The following PPP4R4 variants were observed in gnomAD, a reference collection of about 807,000 sequenced individuals.
PPP4R4 encodes the protein protein phosphatase 4 regulatory subunit 4, also known as serine/threonine-protein phosphatase 4 regulatory subunit 4.
PPP4R4 carries 70 observed loss-of-function variants against 121.8 expected under a neutral mutation model. That is an observed-to-expected ratio of 0.57 (90% confidence interval 0.47 to 0.70). The LOEUF (loss-of-function observed/expected upper bound fraction) is 0.70, where lower values mean the gene tolerates loss of function less well. Among genes scored for constraint, PPP4R4 ranks in the 30% least tolerant of loss-of-function variants. The pLI is 0.00. For missense variants in PPP4R4, 875 were observed against 1,033.6 expected (o/e 0.85, Z 2.10); for synonymous variants, 348 against 355.7 (o/e 0.98, Z 0.24).
intron 20 of PPP4R4, 69 bp downstream of exon 20, chr14:94,265,016 A>G: frequency 8.1e-7 from 1 of 1,237,396 alleles, no homozygotes; most frequent in Admixed American, 2.4e-5. Flanking sequence ...ATTCTGAAAG[A>G]CCATGCTGAA....
At chr14:94,178,980 C>A (rs1473767515) in intron 2 of PPP4R4, among the ~76,000 whole-genome samples, 1 of 152,120 alleles carries the variant, frequency 6.6e-6, no homozygotes. Flanking sequence ...ACCCTGAAGG[C>A]TGGCATTCAG....
At chr14:94,224,287 A>AATTTAATT (rs1330802038) in intron 3 of PPP4R4, among the ~76,000 whole-genome samples, 1 of 152,202 alleles carries the variant, frequency 6.6e-6, no homozygotes, top group African/African-American at 2.4e-5. Flanking sequence ...ATAGTTTTAA[A>AATTTAATT]TGCTTTGAAA....
chr14:94,250,393 AT>A, intron 15 of PPP4R4, 116 bp downstream of exon 15: 1 of 647,856 alleles, frequency 1.5e-6, no homozygotes, highest in Non-Finnish European at 2.6e-6. Context: ...ATTGGGTTTT[AT>A]AAGATGATTT....
At chr14:94,184,364 T>C (rs1337933746) in intron 2 of PPP4R4, among the ~76,000 whole-genome samples, 3 of 152,076 alleles carry the variant, frequency 2.0e-5, no homozygotes, top group Non-Finnish European at 4.4e-5. Flanking sequence ...GCTCAAGTGT[T>C]CCTCCTGCCT....
chr14:94,229,113 A>G (rs1400971670), intron 3 of PPP4R4, among the ~76,000 whole-genome samples: 2 of 152,166 alleles, frequency 1.3e-5, no homozygotes, highest in African/African-American at 2.4e-5. Context: ...GAAAAGTGAC[A>G]TTATCTGACT....
chr14:94,241,735 TTA>T, intron 9 of PPP4R4, 51 bp from the exon 10 acceptor site: 6 of 1,382,798 alleles, frequency 4.3e-6, no homozygotes, highest in Non-Finnish European at 5.9e-6. Flanking sequence ...TTTTCCCTTT[TTA>T]AATTTTGTTT....
Position 94,253,007 on chromosome 14 carries a change from C to T in PPP4R4, c.1865+1111C>T, listed in dbSNP as rs149899714. Among the ~76,000 whole-genome samples the T allele has an allele frequency of 3.9e-5, 6 of 152,254 alleles. No homozygotes were observed. In the East Asian group the frequency reaches 1.2e-3, roughly 29 times the overall value. ...AAGTTCAACTTAAGACTTTTATGAG[C>T]ATTTTTTAATGGGAACAAATCTAGA... On this transcript the variant is annotated intron_variant, in intron 16 of 24. Transcript: ENST00000304338.
intron 3 of PPP4R4, among the ~76,000 whole-genome samples, chr14:94,217,500 T>C (rs1220234864): frequency 6.6e-6 from 1 of 152,174 alleles, no homozygotes; most frequent in Non-Finnish European, 1.5e-5. Context: ...CAAAAATTTC[T>C]GGGCACACAA....
At chr14:94,236,036 C>T in intron 7 of PPP4R4, among the ~76,000 whole-genome samples, 1 of 152,194 alleles carries the variant, frequency 6.6e-6, no homozygotes, top group South Asian at 2.1e-4. Flanking sequence ...TTGAATGTCA[C>T]ACAGGGTATG....
At chr14:94,209,584 G>A (rs563991497) in intron 3 of PPP4R4, among the ~76,000 whole-genome samples, 1 of 152,160 alleles carries the variant, frequency 6.6e-6, no homozygotes, top group South Asian at 2.1e-4. Context: ...TGATTCAAAA[G>A]TAAATCAAGC....
intron 3 of PPP4R4, among the ~76,000 whole-genome samples, chr14:94,211,536 T>C (rs10132066): frequency 6.6e-6 from 1 of 151,844 alleles, no homozygotes; most frequent in Non-Finnish European, 1.5e-5. Context: ...CAGTGGATGG[T>C]GTGGGGTGTG....
At position 94,246,497 on chromosome 14, in the gene PPP4R4, T is replaced by C. The variant is rs141994347; in HGVS notation, c.1569T>C (p.Tyr523=). 23 of 1,613,748 alleles carry C rather than the reference T, an allele frequency of 1.4e-5. No homozygotes were observed. The highest frequency in any genetic ancestry group is 1.9e-5 in the Non-Finnish European group (22 of 1,179,866). Residue 523 remains tyrosine, a synonymous_variant, in exon 14 of 25, where the codon TAT becomes TAC. Transcript: ENST00000304338. ...LPHVISSDQI[Y]YRFLQRMFTI... is the part of the protein sequence containing the mutation. ...ATGTCATATCAAGCGATCAGATTTA[T>C]TACCGTTTCTTACAAAGAATGTTCA...
chr14:94,207,316 T>A (rs1383827173), intron 2 of PPP4R4, among the ~76,000 whole-genome samples: 1 of 151,972 alleles, frequency 6.6e-6, no homozygotes, highest in Non-Finnish European at 1.5e-5. Context: ...GAATTTTGTC[T>A]ATTAAAGGAT....
intron 20 of PPP4R4, 44 bp downstream of exon 20, chr14:94,264,991 A>AG: frequency 7.5e-7 from 1 of 1,341,934 alleles, no homozygotes; most frequent in Non-Finnish European, 1.0e-6. Context: ...TACATAATTA[A>AG]TGTTGCATCC....
At chr14:94,218,312 CAGG>C (rs1214327162) in intron 3 of PPP4R4, among the ~76,000 whole-genome samples, 2 of 152,014 alleles carry the variant, frequency 1.3e-5, no homozygotes, top group East Asian at 1.9e-4. Context: ...GGACTCAGAG[CAGG>C]ATAAATGCGT....
At chr14:94,237,294 G>A (rs56029009) in intron 7 of PPP4R4, among the ~76,000 whole-genome samples, 35,855 of 151,916 alleles carry the variant, frequency 0.24, 5,079 homozygotes, top group East Asian at 0.59. Flanking sequence ...TATAAAGTTT[G>A]ATATAAACTC....
chr14:94,249,446 A>G (rs976862460), intron 14 of PPP4R4, among the ~76,000 whole-genome samples: 15 of 152,066 alleles, frequency 9.9e-5, no homozygotes, highest in Admixed American at 9.2e-4. Flanking sequence ...AATATTTGGG[A>G]TCTTTAGTAA....
chr14:94,178,790 A>G (rs888286567), intron 2 of PPP4R4, among the ~76,000 whole-genome samples: 8 of 152,212 alleles, frequency 5.3e-5, no homozygotes, highest in Non-Finnish European at 1.2e-4. Context: ...TGTCTTAGTC[A>G]AAATCATATC....
At chr14:94,175,953 ACT>A in intron 1 of PPP4R4, 99 bp from the exon 2 acceptor site, 1 of 911,974 alleles carries the variant, frequency 1.1e-6, no homozygotes, top group East Asian at 2.4e-5. Context: ...TAATTGTGAA[ACT>A]TTTTCATTCG....
Sources: allele counts gnomAD v4.1 joint callset (sites outside exome capture counted in the v4.1 genomes callset), GRCh38; gene constraint gnomAD v4.1.1; transcripts MANE v1.5; gene names NCBI Gene and HGNC (gene_info 2026-07-23, HGNC 2026-07-21).